Variants in TRMO observed in about 807,000 individuals in gnomAD.
TRMO encodes the protein tRNA methyltransferase O.
A neutral mutation model predicts 37.2 loss-of-function variants in TRMO; 30 were observed. The observed-to-expected ratio is 0.81, with a 90% confidence interval of 0.60 to 1.09. The LOEUF is 1.09. Ranked by LOEUF, TRMO falls within the 50% of genes least tolerant of loss-of-function variation. The pLI, the probability that TRMO is intolerant of heterozygous loss-of-function variation, is 0.00. For missense variants in TRMO, 552 were observed against 549.5 expected (o/e 1.00, Z -0.05); for synonymous variants, 239 against 199.4 (o/e 1.20, Z -1.67).
chr9:97,919,769 T>G (rs1295545416), intron 1 of TRMO, among the ~76,000 whole-genome samples: 1 of 152,216 alleles, frequency 6.6e-6, no homozygotes, highest in Admixed American at 6.5e-5. Flanking sequence ...GGCTGCCAAT[T>G]AGATTTACTT....
At chr9:97,898,333 C>T in the TRMO span, among the ~76,000 whole-genome samples, 1 of 152,036 alleles carries the variant, frequency 6.6e-6, no homozygotes, top group Non-Finnish European at 1.5e-5. Flanking sequence ...GATCAGGAAA[C>T]TCAATTTTTT....
chr9:97,913,322 A>T (rs1826211613), intron 3 of TRMO, 79 bp downstream of exon 3: 2 of 1,555,112 alleles, frequency 1.3e-6, no homozygotes, highest in African/African-American at 1.4e-5. Flanking sequence ...CTGAATAAAC[A>T]GCCAGTGGTG....
chr9:97,916,985 G>C (rs1381835231), intron 1 of TRMO, among the ~76,000 whole-genome samples: 2 of 151,204 alleles, frequency 1.3e-5, no homozygotes, highest in Non-Finnish European at 2.9e-5. Flanking sequence ...ATTTTTAGTA[G>C]AGACGGGGTT....
At chr9:97,921,981 G>C (rs1289424774) in intron 1 of TRMO, among the ~76,000 whole-genome samples, 3 of 152,054 alleles carry the variant, frequency 2.0e-5, no homozygotes, top group Admixed American at 2.0e-4. Flanking sequence ...TTCATGCCTT[G>C]TCTTTCTAGG....
At chr9:97,915,965 C>T (rs1312235318) in intron 2 of TRMO, among the ~76,000 whole-genome samples, 199 bp downstream of exon 2, 2 of 152,214 alleles carry the variant, frequency 1.3e-5, no homozygotes, top group African/African-American at 4.8e-5. Context: ...ACCTTGAGCT[C>T]GGGAGGCAGA....
At position 97,922,453 on chromosome 9, in the gene TRMO, G is replaced by A. The variant is rs376128350; in HGVS notation, c.41C>T (p.Thr14Ile). 5.0e-6 allele frequency: 8 copies of A among 1,588,328 alleles called. No individual in the cohort carries two copies. Among genetic ancestry groups the A allele is most frequent in the African/African-American group, 1.3e-5 (1 of 74,660 alleles). Residue 14 changes from threonine to isoleucine, a missense_variant, in exon 1 of 5, where the codon ACC (threonine) becomes ATC (isoleucine). By Grantham distance (89) the Thr-to-Ile change is moderately conservative. Coordinates refer to ENST00000375119, the MANE Select transcript of TRMO (RefSeq NM_016481.5). ...LEESGPRPTA[T>I]PCGCVKPALE... ...AGCCGGCTTAACGCAGCCGCACGGGGTCGCTGTAGGCCGAGGCCCCGACTC... is the reference window on the plus strand; with the variant it reads ...AGCCGGCTTAACGCAGCCGCACGGGATCGCTGTAGGCCGAGGCCCCGACTC...
downstream of TRMO, chr9:97,900,808 A>T (rs2131507682): frequency 1.2e-6 from 1 of 807,968 alleles, no homozygotes; most frequent in Non-Finnish European, 1.5e-6. Flanking sequence ...TACCAACAAG[A>T]GGTTGATTCA....
At chr9:97,902,868 C>A (rs914012668), downstream of TRMO, among the ~76,000 whole-genome samples, 34 of 152,162 alleles carry the variant, frequency 2.2e-4, no homozygotes, top group Non-Finnish European at 3.4e-4. Flanking sequence ...TGGAACCAAC[C>A]ACTGGAAGAA....
At chr9:97,910,944 A>T in intron 3 of TRMO, 2 of 516,384 alleles carry the variant, frequency 3.9e-6, no homozygotes, top group Non-Finnish European at 3.7e-6. Context: ...TCCCCACGGT[A>T]GGGTAGTGAC....
At chr9:97,903,291 ATC>A (rs1291534072), downstream of TRMO, among the ~76,000 whole-genome samples, 2 of 152,126 alleles carry the variant, frequency 1.3e-5, no homozygotes, top group Non-Finnish European at 2.9e-5. Context: ...AAAACCAAAA[ATC>A]AAATTAAAGA....
At chr9:97,922,023 CT>C (rs1304347126) in intron 1 of TRMO, among the ~76,000 whole-genome samples, 2 of 152,142 alleles carry the variant, frequency 1.3e-5, no homozygotes, top group African/African-American at 4.8e-5. Flanking sequence ...CCCCCAGAAA[CT>C]TTCCCCCTTC....
At chr9:97,910,976 A>G (rs1826098446) in intron 3 of TRMO, 1 of 484,128 alleles carries the variant, frequency 2.1e-6, no homozygotes, top group Admixed American at 2.3e-5. Context: ...CTTCATCCCT[A>G]GACGCAGGCA....
chr9:97,911,864 T>C (rs1196586637), intron 3 of TRMO: 3 of 152,190 alleles, frequency 2.0e-5, no homozygotes, highest in Admixed American at 1.3e-4. Context: ...TTTGATTCCG[T>C]CTCCATTTAA....
chr9:97,907,959 A>G (rs2131518373), intron 4 of TRMO, among the ~76,000 whole-genome samples: 1 of 152,248 alleles, frequency 6.6e-6, no homozygotes, highest in African/African-American at 2.4e-5. Context: ...TGTCTTTCTC[A>G]GTGAGGCCCA....
intron 1 of TRMO, among the ~76,000 whole-genome samples, chr9:97,917,460 C>T (rs1826421978): frequency 6.6e-6 from 1 of 152,030 alleles, no homozygotes; most frequent in Non-Finnish European, 1.5e-5. Context: ...AGTACATTGC[C>T]TGCAACGGAG....
At chr9:97,917,845 AT>A (rs112794003) in intron 1 of TRMO, among the ~76,000 whole-genome samples, 2,467 of 134,234 alleles carry the variant, frequency 0.018, 43 homozygotes, top group East Asian at 0.054. Flanking sequence ...TGCCCATCTA[AT>A]TTTTTTTTTT....
At chr9:97,922,268 T>G (rs1462181738) in intron 1 of TRMO, 150 bp downstream of exon 1, 2 of 617,142 alleles carry the variant, frequency 3.2e-6, no homozygotes, top group Admixed American at 2.9e-5. Context: ...TCACGTGGTC[T>G]CCGCAGCACG....
rs1826078517 is a variant in TRMO at position 97,910,588 on chromosome 9, G to A, written c.438C>T (p.Asp146=). 2 of 1,613,862 alleles carry A rather than the reference G, an allele frequency of 1.2e-6. No homozygotes were observed. Among genetic ancestry groups the A allele is most frequent in the Non-Finnish European group, 1.7e-6 (2 of 1,179,938 alleles). The part of the protein sequence containing the change: ...EGGAIYLSGI[D]MIHGTPVLDI... ...CTAGTACGGGTGTGCCATGTATCAT[G>A]TCAATTCCAGAAAGGTATATAGCTC... The change falls in exon 4 of 5, where the codon GAC becomes GAT. Residue 146 remains aspartate, a synonymous_variant. Coordinates refer to ENST00000375119, the MANE Select transcript of TRMO (RefSeq NM_016481.5).
In TRMO at chr9:97,904,909, G is replaced by A. The variant is rs756403899; in HGVS notation, c.1150C>T (p.Arg384Trp). 9.3e-6 allele frequency: 15 copies of A among 1,614,036 alleles called. No homozygotes were observed. In the African/African-American group the frequency reaches 9.3e-5, roughly 10 times the overall value. The change falls in exon 5 of 5, where the codon CGG becomes TGG. Residue 384 changes from arginine to tryptophan, a missense_variant. By Grantham distance (101) the Arg-to-Trp change is moderately radical. Transcript: ENST00000375119. ...AIEAVLSADP[R>W]SVYRRKLCQD... ...CAAAGCTTCCGGCGGTACACAGACC[G>A]AGGATCCGCTGACAGCACAGCCTCA...
Sources: gnomAD v4.1 joint callset for allele counts (sites outside exome capture counted in the v4.1 genomes callset) on GRCh38, gnomAD v4.1.1 for gene constraint, MANE v1.5 for transcripts, NCBI Gene and HGNC (gene_info 2026-07-23, HGNC 2026-07-21) for gene names.